The following EDA variants were observed in gnomAD, a reference collection of about 807,000 sequenced individuals.
EDA encodes the protein ectodysplasin A, also known as ectodysplasin-A.
In EDA, 2 loss-of-function variants were observed where a neutral mutation model predicts 23.6. The observed-to-expected ratio is 0.08, with a 90% CI of 0.03 to 0.27. EDA has a LOEUF of 0.27. Among genes scored for constraint, EDA ranks in the 10% least tolerant of loss-of-function variants. The pLI is 1.00. For missense variants in EDA, 229 were observed against 324.2 expected (o/e 0.71, Z 2.26); for synonymous variants, 131 against 132.0 (o/e 0.99, Z 0.05).
At chrX:69,629,079 A>G (rs913449307) in intron 1 of EDA, among the ~76,000 whole-genome samples, 2 of 111,893 alleles carry the variant, frequency 1.8e-5, no homozygotes, top group African/African-American at 6.5e-5. Context: ...CTGCCCGTAG[A>G]ATAAAGTTCA....
chrX:69,697,021 TGA>T (rs1200246152), intron 1 of EDA, among the ~76,000 whole-genome samples: 1 of 111,771 alleles, frequency 8.9e-6, no homozygotes, highest in Non-Finnish European at 1.9e-5. Context: ...TGAGATATTT[TGA>T]GAGAGGGAGA....
chrX:69,712,315 A>G (rs2012092105), intron 1 of EDA, among the ~76,000 whole-genome samples: 1 of 111,501 alleles, frequency 9.0e-6, no homozygotes, highest in African/African-American at 3.3e-5. Flanking sequence ...TGGTTTCCAC[A>G]TGTTAATTAT....
chrX:70,004,692 G>C (rs2147480432), intron 2 of EDA, among the ~76,000 whole-genome samples: 1 of 112,168 alleles, frequency 8.9e-6, no homozygotes, highest in Non-Finnish European at 1.9e-5. Flanking sequence ...GTACCTCCCT[G>C]GTTGCTAGCC....
chrX:69,744,375 C>CA (rs1205942635), intron 1 of EDA, among the ~76,000 whole-genome samples: 1 of 111,918 alleles, frequency 8.9e-6, no homozygotes, highest in Non-Finnish European at 1.9e-5. Flanking sequence ...AATTCTGACA[C>CA]AGAGTGTCTG....
At chrX:69,865,153 G>C (rs1382514623) in intron 1 of EDA, among the ~76,000 whole-genome samples, 2 of 110,790 alleles carry the variant, frequency 1.8e-5, no homozygotes, top group Non-Finnish European at 3.8e-5. Flanking sequence ...AAGAACTTCA[G>C]AGCTTGAAGA....
intron 1 of EDA, among the ~76,000 whole-genome samples, chrX:69,788,900 G>T (rs185983363): frequency 2.7e-5 from 3 of 112,385 alleles, no homozygotes; most frequent in East Asian, 2.8e-4. Context: ...CCTCGCTGCC[G>T]CCTTGCAGTT....
intron 1 of EDA, among the ~76,000 whole-genome samples, chrX:69,933,991 C>A (rs2018637745): frequency 8.9e-6 from 1 of 112,411 alleles, no homozygotes; most frequent in South Asian, 3.7e-4. Context: ...TTCTTGTTCC[C>A]TTAACTATTA....
rs1363701345 is a variant in EDA, at chrX:69,733,696, A to G, written c.396+116992A>G. Among the ~76,000 whole-genome samples, 4 of 111,202 alleles carry G rather than the reference A, an allele frequency of 3.6e-5. No individual in the cohort carries two copies. In the East Asian group the frequency reaches 1.1e-3, roughly 31 times the overall value. ...GAATCTTTAAATTACCTTGGACAGT[A>G]TGGCCATTTTCATGATATTGATTCT... On this transcript the variant is annotated intron_variant, in intron 1 of 7. Transcript: ENST00000374552.
intron 1 of EDA, among the ~76,000 whole-genome samples, chrX:69,901,744 C>T (rs1481884826): frequency 9.0e-6 from 1 of 111,523 alleles, no homozygotes; most frequent in Non-Finnish European, 1.9e-5. Context: ...GTGGAATTGA[C>T]CACAGTAAAT....
chrX:69,705,993 A>G (rs2011704902), intron 1 of EDA, among the ~76,000 whole-genome samples: 1 of 112,371 alleles, frequency 8.9e-6, no homozygotes, highest in Admixed American at 9.4e-5. Context: ...AAGGCTTGTT[A>G]TGTAAATTTA....
At chrX:69,766,024 T>A (rs1050129157) in intron 1 of EDA, among the ~76,000 whole-genome samples, 1 of 112,024 alleles carries the variant, frequency 8.9e-6, no homozygotes, top group African/African-American at 3.2e-5. Context: ...CACGATACCC[T>A]TGAGATTTAT....
At chrX:69,963,855 T>G (rs1234032632) in intron 2 of EDA, among the ~76,000 whole-genome samples, 1 of 111,666 alleles carries the variant, frequency 9.0e-6, no homozygotes, top group East Asian at 2.8e-4. Flanking sequence ...ATTTATGGGA[T>G]TTTTTAAATT....
At chrX:69,942,216 T>G (rs989348322) in intron 1 of EDA, among the ~76,000 whole-genome samples, 5 of 111,825 alleles carry the variant, frequency 4.5e-5, no homozygotes, top group African/African-American at 1.6e-4. Flanking sequence ...AGGATAAGAG[T>G]TATTTACACA....
chrX:69,706,157 C>T lies in EDA; in HGVS notation c.396+89453C>T, dbSNP rs1307205961. On this transcript the variant is annotated intron_variant, in intron 1 of 7. Coordinates refer to ENST00000374552, the MANE Select transcript of EDA (RefSeq NM_001399.5). ...AAATAACTAAAAATAGGCAGATTCC[C>T]AGCCCAAGTTTTTAAATTAGATTAC... Among the ~76,000 whole-genome samples, 3 of 111,498 alleles carry T rather than the reference C, an allele frequency of 2.7e-5. No individual in the cohort carries two copies. In the Admixed American group the frequency reaches 2.9e-4, roughly 11 times the overall value.
chrX:69,849,082 TACACACACACACACAC>T lies in EDA; in HGVS notation c.397-107909_397-107894del, dbSNP rs370800783. Among the ~76,000 whole-genome samples, 359 of 57,025 alleles carry T rather than the reference TACACACACACACACAC, an allele frequency of 6.3e-3. 1 individual carries two copies. The highest frequency in any genetic ancestry group is 0.012 in the East Asian group (32 of 2,588). 49.5% of individuals were successfully genotyped at this position (57,025 alleles called of 115,157 possible). The stretch of plus-strand genomic sequence containing the variant: ...TAATATAATGCACACAAAGTCTATA[TACACACACACACACAC>T]ACACACACACACACACACACACACA... On this transcript the variant is annotated intron_variant, in intron 1 of 7. Coordinates refer to ENST00000374552, the MANE Select transcript of EDA (RefSeq NM_001399.5).
At chrX:69,849,094 C>T (rs1284134839) in intron 1 of EDA, among the ~76,000 whole-genome samples, 54 of 46,147 alleles carry the variant, frequency 1.2e-3, no homozygotes, top group Middle Eastern at 0.023. Flanking sequence ...CACACACACA[C>T]ACACACACAC....
At chrX:69,896,398 A>AGTGTGTGTGT (rs373119823) in intron 1 of EDA, among the ~76,000 whole-genome samples, 136 of 97,318 alleles carry the variant, frequency 1.4e-3, no homozygotes, top group African/African-American at 4.9e-3. Flanking sequence ...TATGTGCATC[A>AGTGTGTGTGT]GTGTGTGTGT....
chrX:69,913,205 G>A (rs1190428081), intron 1 of EDA, among the ~76,000 whole-genome samples: 2 of 112,417 alleles, frequency 1.8e-5, no homozygotes, highest in Non-Finnish European at 1.9e-5. Context: ...ATCAGGCATT[G>A]ACTTCTCCTC....
chrX:69,968,482 G>A (rs1476963663), intron 2 of EDA, among the ~76,000 whole-genome samples: 1 of 111,520 alleles, frequency 9.0e-6, no homozygotes, highest in Non-Finnish European at 1.9e-5. Context: ...CAAAACTGTT[G>A]GGCAGAGAAA....
Sources: gnomAD v4.1 joint callset for allele counts (sites outside exome capture counted in the v4.1 genomes callset) on GRCh38, gnomAD v4.1.1 for gene constraint, MANE v1.5 for transcripts, NCBI Gene and HGNC (gene_info 2026-07-23, HGNC 2026-07-21) for gene names.